NRXN3: variants seen among roughly 807,000 people sequenced by gnomAD.
NRXN3 encodes neurexin 3.
In NRXN3, 32 loss-of-function variants were observed where a neutral mutation model predicts 137.6. The ratio of observed to expected loss-of-function variants is 0.23; its 90% CI spans 0.18 to 0.31. The LOEUF is 0.31. Among genes scored for constraint, NRXN3 ranks in the 10% least tolerant of loss-of-function variants. The probability of loss-of-function intolerance (pLI) is 1.00; values close to 1 mark genes in which losing one functional copy is unlikely to be tolerated. For missense variants in NRXN3, 1,574 were observed against 2,062.5 expected, an observed-to-expected ratio of 0.76 and a Z score of 4.59; for synonymous variants, 798 against 784.5, an observed-to-expected ratio of 1.02 and a Z score of -0.29.
chr14:78,477,964 A>G (rs2095408725), intron 4 of NRXN3, among the ~76,000 whole-genome samples: 1 of 152,112 alleles, frequency 6.6e-6, no homozygotes, highest in African/African-American at 2.4e-5. Context: ...ACACACATAC[A>G]CGCACACATA....
chr14:78,406,051 C>T (rs1332042678), intron 4 of NRXN3, among the ~76,000 whole-genome samples: 1 of 152,206 alleles, frequency 6.6e-6, no homozygotes, highest in African/African-American at 2.4e-5. Flanking sequence ...TTCAACTGTA[C>T]TGCACATCTG....
At position 79,681,351 on chromosome 14, in the gene NRXN3, C is replaced by T. The variant is rs369459956; in HGVS notation, c.3617-10822C>T. The stretch of plus-strand genomic sequence containing the variant: ...AATTCCTGGCTATATCATTTAGGTT[C>T]GCTGCATTGCAAACCACTCCAAAAT... On this transcript the variant is annotated intron_variant, in intron 17 of 20. Coordinates refer to ENST00000335750, the MANE Select transcript of NRXN3 (RefSeq NM_001330195.2). Among the ~76,000 whole-genome samples, 167 of 152,218 alleles carry T rather than the reference C, an allele frequency of 1.1e-3. 1 individual carries two copies. The highest frequency in any genetic ancestry group is 3.2e-3 in the African/African-American group (132 of 41,554).
At chr14:79,819,045 A>G (rs17174997) in intron 20 of NRXN3, among the ~76,000 whole-genome samples, 111,883 of 152,134 alleles carry the variant, frequency 0.74, 41,669 homozygotes, top group African/African-American at 0.85. Flanking sequence ...TCCTCTTACT[A>G]AAAGATCATG....
At chr14:78,369,437 T>C (rs1322006759) in intron 4 of NRXN3, among the ~76,000 whole-genome samples, 1 of 152,186 alleles carries the variant, frequency 6.6e-6, no homozygotes, top group Non-Finnish European at 1.5e-5. Flanking sequence ...CCCATCTTTT[T>C]CCCTCATCCC....
chr14:78,961,980 G>A (rs2099409019), intron 11 of NRXN3, among the ~76,000 whole-genome samples: 1 of 152,140 alleles, frequency 6.6e-6, no homozygotes. Flanking sequence ...CCATGAATTA[G>A]ATGGAGTGAC....
intron 4 of NRXN3, among the ~76,000 whole-genome samples, chr14:78,605,305 A>G (rs1271013572): frequency 1.3e-5 from 2 of 152,260 alleles, no homozygotes; most frequent in Non-Finnish European, 2.9e-5. Context: ...TATAAGTTAA[A>G]GCACTTCCTG....
intron 4 of NRXN3, among the ~76,000 whole-genome samples, chr14:78,453,393 C>T (rs1247588406): frequency 6.6e-6 from 1 of 152,140 alleles, no homozygotes; most frequent in African/African-American, 2.4e-5. Context: ...ATGATATATG[C>T]CGATTGACCA....
intron 15 of NRXN3, among the ~76,000 whole-genome samples, chr14:79,258,979 T>A (rs1254934037): frequency 6.6e-6 from 1 of 152,226 alleles, no homozygotes; most frequent in Non-Finnish European, 1.5e-5. Context: ...TGGGATCAGA[T>A]GTCCTTCAAA....
intron 15 of NRXN3, among the ~76,000 whole-genome samples, chr14:79,385,133 A>G (rs1299221517): frequency 1.3e-5 from 2 of 150,940 alleles, no homozygotes; most frequent in East Asian, 3.9e-4. Context: ...ATATGTATAC[A>G]TGTGCCATGC....
chr14:79,548,577 T>C (rs1377599779), intron 16 of NRXN3, among the ~76,000 whole-genome samples: 2 of 152,064 alleles, frequency 1.3e-5, no homozygotes, highest in African/African-American at 4.8e-5. Flanking sequence ...CTAGGTAGTA[T>C]GGCATTTCTA....
intron 8 of NRXN3, among the ~76,000 whole-genome samples, chr14:78,793,447 G>A (rs913234419): frequency 6.6e-6 from 1 of 152,170 alleles, no homozygotes; most frequent in Non-Finnish European, 1.5e-5. Context: ...ACCCAGAAAT[G>A]AGAATGTTTA....
chr14:78,283,111 T>C (rs1247275423), intron 3 of NRXN3: 1 of 152,200 alleles, frequency 6.6e-6, no homozygotes, highest in Non-Finnish European at 1.5e-5. Context: ...GGGCACAGAA[T>C]GAGATATCTG....
At chr14:79,497,618 C>A (rs1299616256) in intron 16 of NRXN3, among the ~76,000 whole-genome samples, 3 of 152,174 alleles carry the variant, frequency 2.0e-5, no homozygotes, top group Non-Finnish European at 4.4e-5. Context: ...CCTCCCCACA[C>A]TAGAACACAG....
intron 15 of NRXN3, among the ~76,000 whole-genome samples, chr14:79,177,311 A>G (rs961568448): frequency 3.3e-5 from 5 of 152,180 alleles, no homozygotes. Flanking sequence ...TCACACTTCA[A>G]ACAGACCCAC....
intron 15 of NRXN3, among the ~76,000 whole-genome samples, chr14:79,361,152 G>C (rs1360902932): frequency 6.6e-6 from 1 of 152,160 alleles, no homozygotes; most frequent in African/African-American, 2.4e-5. Flanking sequence ...GCTGAAAGTG[G>C]TAACAACATT....
At chr14:79,723,130 A>T (rs2076867941) in intron 19 of NRXN3, among the ~76,000 whole-genome samples, 1 of 152,180 alleles carries the variant, frequency 6.6e-6, no homozygotes. Context: ...ATACCGGAGA[A>T]AAATATGCCA....
intron 19 of NRXN3, among the ~76,000 whole-genome samples, chr14:79,731,499 C>T (rs10138886): frequency 0.13 from 19,704 of 152,192 alleles, 2,395 homozygotes; most frequent in African/African-American, 0.32. Context: ...TGTTCTTACT[C>T]GTTCTTTAAA....
At chr14:78,352,036 C>T (rs1432126721) in intron 4 of NRXN3, among the ~76,000 whole-genome samples, 2 of 149,680 alleles carry the variant, frequency 1.3e-5, no homozygotes, top group East Asian at 2.0e-4. Context: ...TGCAGTGAAC[C>T]GAGATCGCAC....
intron 4 of NRXN3, among the ~76,000 whole-genome samples, chr14:78,313,564 G>A (rs1486450695): frequency 6.6e-6 from 1 of 151,906 alleles, no homozygotes; most frequent in East Asian, 1.9e-4. Flanking sequence ...CATTTTCACA[G>A]GCAAGAAAAC....
Sources: gnomAD v4.1 joint callset for allele counts (sites outside exome capture counted in the v4.1 genomes callset) on GRCh38, gnomAD v4.1.1 for gene constraint, MANE v1.5 for transcripts, NCBI Gene and HGNC (gene_info 2026-07-23, HGNC 2026-07-21) for gene names.